The following CDH18 variants were observed in gnomAD, a reference collection of about 807,000 sequenced individuals.
The protein encoded by CDH18 is cadherin 18.
In CDH18, 31 loss-of-function variants were observed where a neutral mutation model predicts 67.9. That is an observed-to-expected ratio of 0.46 (90% CI 0.34 to 0.62). The LOEUF (loss-of-function observed/expected upper bound fraction) is 0.62, where lower values mean the gene tolerates loss of function less well. Ranked by LOEUF, CDH18 falls within the 20% of genes least tolerant of loss-of-function variation. CDH18 has a pLI of 0.01. For synonymous variants in CDH18, 362 were observed against 347.2 expected, an observed-to-expected ratio of 1.04 and a Z score of -0.48; for missense variants, 890 against 975.5, an observed-to-expected ratio of 0.91 and a Z score of 1.17.
chr5:20,278,636 A>T (rs1745990920), intron 1 of CDH18, among the ~76,000 whole-genome samples: 1 of 152,186 alleles, frequency 6.6e-6, no homozygotes. Flanking sequence ...GTGGTGTGTA[A>T]ACTATTTATA....
intron 1 of CDH18, among the ~76,000 whole-genome samples, chr5:20,547,516 G>T (rs951849792): frequency 4.6e-5 from 7 of 150,564 alleles, no homozygotes; most frequent in Non-Finnish European, 7.4e-5. Flanking sequence ...AGTCGAGATC[G>T]CACCATTGCA....
At chr5:20,564,574 A>ATTG (rs1758399951) in intron 1 of CDH18, among the ~76,000 whole-genome samples, 1 of 152,172 alleles carries the variant, frequency 6.6e-6, no homozygotes, top group Non-Finnish European at 1.5e-5. Context: ...TACAACTCAA[A>ATTG]TATCAAGTGC....
At chr5:20,482,316 G>C (rs1157122483) in intron 1 of CDH18, among the ~76,000 whole-genome samples, 1 of 151,986 alleles carries the variant, frequency 6.6e-6, no homozygotes, top group East Asian at 1.9e-4. Context: ...GCAAATAAAA[G>C]CCTGGGAACC....
chr5:20,349,332 AT>A (rs1740968586), intron 1 of CDH18, among the ~76,000 whole-genome samples: 1 of 152,086 alleles, frequency 6.6e-6, no homozygotes, highest in Non-Finnish European at 1.5e-5. Context: ...GTATGATGTG[AT>A]TTAAGCTCAT....
chr5:20,293,055 G>A (rs1285016245), intron 1 of CDH18, among the ~76,000 whole-genome samples: 1 of 152,104 alleles, frequency 6.6e-6, no homozygotes, highest in African/African-American at 2.4e-5. Flanking sequence ...GGTGGCTCAC[G>A]CCTGTAATCC....
chr5:20,418,242 A>ATTTTTTTTTTTTTTTG (rs1747500440), intron 1 of CDH18, among the ~76,000 whole-genome samples: 1 of 56,936 alleles, frequency 1.8e-5, no homozygotes, highest in Non-Finnish European at 2.9e-5. Flanking sequence ...CTGCTGGCTA[A>ATTTTTTTTTTTTTTTG]TTTTTTTTTT....
chr5:20,489,963 T>A (rs1337784997), intron 1 of CDH18, among the ~76,000 whole-genome samples: 2 of 151,718 alleles, frequency 1.3e-5, no homozygotes, highest in African/African-American at 4.8e-5. Flanking sequence ...TTTATTTACA[T>A]ATACAAACTA....
At chr5:19,779,564 G>C (rs890600216) in intron 3 of CDH18, among the ~76,000 whole-genome samples, 8 of 152,090 alleles carry the variant, frequency 5.3e-5, no homozygotes, top group African/African-American at 1.9e-4. Context: ...ATTTTGCTCT[G>C]TTCCAGCCAA....
chr5:20,498,638 G>A (rs943062505), intron 1 of CDH18, among the ~76,000 whole-genome samples: 17 of 151,880 alleles, frequency 1.1e-4, no homozygotes, highest in Admixed American at 2.6e-4. Context: ...TAATCCTTTA[G>A]TTGATAACAT....
chr5:19,713,810 T>C (rs964160734), intron 5 of CDH18, among the ~76,000 whole-genome samples: 1 of 152,140 alleles, frequency 6.6e-6, no homozygotes, highest in Non-Finnish European at 1.5e-5. Flanking sequence ...AAATGTCCTT[T>C]TGCAGTTTGA....
intron 5 of CDH18, among the ~76,000 whole-genome samples, chr5:19,648,382 T>C (rs1755090901): frequency 1.3e-5 from 2 of 151,854 alleles, no homozygotes; most frequent in Non-Finnish European, 2.9e-5. Context: ...GCCACTGCAC[T>C]CCAGCCTGGG....
chr5:19,473,030 C>CTTTTTTTTTTTTT lies in CDH18; in HGVS notation c.*183_*195dup, dbSNP rs34972691. On this transcript the variant is annotated 3_prime_UTR_variant, in exon 13 of 13. Coordinates refer to ENST00000382275, the MANE Select transcript of CDH18 (RefSeq NM_004934.5). Reference sequence around the variant, plus strand: ...AACAATAACTTTTTCTTTGTATTGTCTTTTTTTTTTTTTTTTTACTTTCTT... The same window carrying CTTTTTTTTTTTTT: ...AACAATAACTTTTTCTTTGTATTGTCTTTTTTTTTTTTTTTTTTTTTTTTTTTTTTACTTTCTT... The CTTTTTTTTTTTTT allele has an allele frequency of 2.6e-6, 1 of 389,952 alleles. No individual in the cohort carries two copies. The allele number at this position is 389,952 out of a possible 1,614,324, so 24.2% of individuals were successfully genotyped here. A position where few individuals can be genotyped will look rare whatever the true frequency, so the allele number is the denominator to read the frequency against.
At chr5:19,603,322 A>T (rs1015584150) in intron 6 of CDH18, among the ~76,000 whole-genome samples, 37 of 152,158 alleles carry the variant, frequency 2.4e-4, no homozygotes, top group African/African-American at 8.0e-4. Context: ...AAATTCATAG[A>T]GATAGAAAGT....
At chr5:19,744,831 T>C (rs904491187) in intron 4 of CDH18, among the ~76,000 whole-genome samples, 1 of 152,198 alleles carries the variant, frequency 6.6e-6, no homozygotes, top group Admixed American at 6.5e-5. Context: ...TCACACCTAA[T>C]TTTTAAAAAT....
At chr5:19,785,663 AAAAAAAAAAAAAAAAAATATATATATAT>A (rs1352750622) in intron 3 of CDH18, among the ~76,000 whole-genome samples, 1 of 58,176 alleles carries the variant, frequency 1.7e-5, no homozygotes, top group African/African-American at 8.1e-5. Context: ...TCAAAAAAAA[AAAAAAAAAAAAAAAAAATATATATATAT>A]ATATATATAT....
In CDH18 at chr5:20,016,944, T is replaced by C. The variant is rs565527514; in HGVS notation, c.-517-24930A>G. Among the ~76,000 whole-genome samples the C allele has an allele frequency of 1.3e-4, 20 of 152,304 alleles. No individual in the cohort carries two copies. In the South Asian group the frequency reaches 4.1e-3, roughly 32 times the overall value. On this transcript the variant is annotated intron_variant, in intron 2 of 14. Transcript: ENST00000507958. ...AATGTACATTTGTAGTAATAGTGCC[T>C]TTCATTTAGTTTTCAATTTCTCATG... is the stretch of plus-strand genomic sequence containing the variant.
intron 4 of CDH18, among the ~76,000 whole-genome samples, chr5:19,742,401 C>T (rs1213382565): frequency 7.5e-6 from 1 of 133,918 alleles, no homozygotes; most frequent in Non-Finnish European, 1.8e-5. Flanking sequence ...AATGCACACG[C>T]ATGGGTACAC....
At chr5:19,635,268 T>A (rs1752975857) in intron 5 of CDH18, among the ~76,000 whole-genome samples, 1 of 152,200 alleles carries the variant, frequency 6.6e-6, no homozygotes, top group Non-Finnish European at 1.5e-5. Flanking sequence ...CAGTTGCCTG[T>A]AGGAGTACTT....
chr5:20,443,510 G>A (rs62352846), intron 1 of CDH18, among the ~76,000 whole-genome samples: 3 of 151,638 alleles, frequency 2.0e-5, no homozygotes, highest in South Asian at 4.2e-4. Flanking sequence ...TGTTTTGATG[G>A]TTCCAGGGGT....
Sources: allele counts gnomAD v4.1 joint callset (sites outside exome capture counted in the v4.1 genomes callset), GRCh38; gene constraint gnomAD v4.1.1; transcripts MANE v1.5; gene names NCBI Gene and HGNC (gene_info 2026-07-23, HGNC 2026-07-21).